The following AKAP19 variants were observed in gnomAD, a reference collection of about 807,000 sequenced individuals.
The protein encoded by AKAP19 is small A-kinase anchoring protein.
At chr2:190,188,003 A>T in the AKAP19 span, among the ~76,000 whole-genome samples, 3 of 152,222 alleles carry the variant, frequency 2.0e-5, no homozygotes, top group East Asian at 5.8e-4. Flanking sequence ...TAACATTGAA[A>T]CATGTAAAGG....
the AKAP19 span, among the ~76,000 whole-genome samples, chr2:190,049,419 T>C: frequency 9.9e-5 from 15 of 152,214 alleles, no homozygotes; most frequent in Non-Finnish European, 1.5e-5. Context: ...TCATACATTA[T>C]AATAAAAATG....
At chr2:190,095,098 C>A in the AKAP19 span, among the ~76,000 whole-genome samples, 2 of 152,088 alleles carry the variant, frequency 1.3e-5, no homozygotes, top group Non-Finnish European at 2.9e-5. Flanking sequence ...TGGCCCATGC[C>A]TGTAATCCCA....
the AKAP19 span, among the ~76,000 whole-genome samples, chr2:189,942,778 A>G: frequency 0.041 from 6,310 of 152,296 alleles, 418 homozygotes; most frequent in African/African-American, 0.14. Flanking sequence ...GCTTGACTGC[A>G]TTCTGTTCAT....
At chr2:190,199,429 T>C in the AKAP19 span, among the ~76,000 whole-genome samples, 1 of 151,972 alleles carries the variant, frequency 6.6e-6, no homozygotes, top group African/African-American at 2.4e-5. Context: ...TGAATTGTTT[T>C]GGTATAGATA....
At chr2:190,010,114 CA>C in the AKAP19 span, among the ~76,000 whole-genome samples, 1 of 151,996 alleles carries the variant, frequency 6.6e-6, no homozygotes, top group African/African-American at 2.4e-5. Context: ...AGAAATAAAA[CA>C]AAACAAAAAT....
At chr2:189,986,291 T>G in the AKAP19 span, among the ~76,000 whole-genome samples, 1 of 152,030 alleles carries the variant, frequency 6.6e-6, no homozygotes, top group Non-Finnish European at 1.5e-5. Flanking sequence ...GCCATGGACT[T>G]TTCTCTTCCT....
At chr2:190,016,085 C>T in the AKAP19 span, among the ~76,000 whole-genome samples, 2 of 152,320 alleles carry the variant, frequency 1.3e-5, no homozygotes, top group East Asian at 1.9e-4. Context: ...CTTTGGAGCC[C>T]TCCAAACTGT....
chr2:190,021,173 A>G, the AKAP19 span, among the ~76,000 whole-genome samples: 3 of 152,164 alleles, frequency 2.0e-5, no homozygotes, highest in Admixed American at 1.3e-4. Context: ...GCCTATTGCT[A>G]TGCCAATATC....
the AKAP19 span, among the ~76,000 whole-genome samples, chr2:190,070,155 G>A: frequency 1.3e-5 from 2 of 152,020 alleles, no homozygotes; most frequent in Non-Finnish European, 2.9e-5. Flanking sequence ...TTCCGGCTTG[G>A]CAACTGAAAG....
chr2:190,039,696 C>T, the AKAP19 span, among the ~76,000 whole-genome samples: 8 of 151,890 alleles, frequency 5.3e-5, no homozygotes, highest in African/African-American at 1.7e-4. Flanking sequence ...AAGTAGACCC[C>T]GGTGTCTGTT....
At chr2:190,194,477 T>C in the AKAP19 span, among the ~76,000 whole-genome samples, 2,208 of 141,536 alleles carry the variant, frequency 0.016, 91 homozygotes, top group Middle Eastern at 0.029. Context: ...ATCCTGTGTA[T>C]ACACACACAC....
the AKAP19 span, among the ~76,000 whole-genome samples, chr2:190,018,944 G>C: frequency 5.9e-5 from 9 of 152,246 alleles, no homozygotes; most frequent in African/African-American, 2.2e-4. Flanking sequence ...TTCTGCAATC[G>C]GGCAGAGCTG....
the AKAP19 span, among the ~76,000 whole-genome samples, chr2:190,043,307 T>C: frequency 6.6e-6 from 1 of 152,204 alleles, no homozygotes; most frequent in Admixed American, 6.5e-5. Context: ...GTTTGCTTTC[T>C]CCCCCTCCCT....
chr2:190,037,294 C>A, the AKAP19 span, among the ~76,000 whole-genome samples: 3 of 152,192 alleles, frequency 2.0e-5, no homozygotes, highest in Non-Finnish European at 4.4e-5. Context: ...CATTCAGAAT[C>A]TGTTTAGGAT....
chr2:190,002,155 A>C, the AKAP19 span, among the ~76,000 whole-genome samples: 1 of 152,220 alleles, frequency 6.6e-6, no homozygotes, highest in Admixed American at 6.5e-5. Flanking sequence ...TCTCATCTGA[A>C]GTTTAGCAAT....
At chr2:190,179,170 A>G in the AKAP19 span, among the ~76,000 whole-genome samples, 1 of 152,118 alleles carries the variant, frequency 6.6e-6, no homozygotes, top group South Asian at 2.1e-4. The surrounding 1 kb of genome is among the most constrained non-coding windows in gnomAD (Gnocchi z 6.0). Flanking sequence ...CACTTTGGGA[A>G]GCCAAGGCGG....
chr2:190,164,330 T>C, the AKAP19 span, among the ~76,000 whole-genome samples: 1 of 152,134 alleles, frequency 6.6e-6, no homozygotes, highest in Non-Finnish European at 1.5e-5. Context: ...AGCTCAGAAA[T>C]TTGAGACCAG....
chr2:190,194,391 T>A, the AKAP19 span, among the ~76,000 whole-genome samples: 2 of 151,576 alleles, frequency 1.3e-5, no homozygotes, highest in East Asian at 1.9e-4. Flanking sequence ...GTGTATTTTT[T>A]AAAAAAATAA....
chr2:189,883,726 G>A, the AKAP19 span, among the ~76,000 whole-genome samples: 1 of 151,866 alleles, frequency 6.6e-6, no homozygotes, highest in Non-Finnish European at 1.5e-5. Context: ...TTTACTTATA[G>A]CTACATTTCT....
Sources: allele counts gnomAD v4.1 joint callset (sites outside exome capture counted in the v4.1 genomes callset), GRCh38; gene constraint gnomAD v4.1.1; non-coding constraint Gnocchi (gnomAD v3.1); transcripts MANE v1.5; gene names NCBI Gene and HGNC (gene_info 2026-07-23, HGNC 2026-07-21).